EYA4: variants seen among roughly 807,000 people sequenced by gnomAD.
The protein encoded by EYA4 is EYA transcriptional coactivator and phosphatase 4.
Under a neutral mutation model 87.9 loss-of-function variants are expected in EYA4, and 31 were observed. The observed-to-expected ratio is 0.35, with a 90% confidence interval of 0.27 to 0.48. The LOEUF is 0.48. Ranked by LOEUF, EYA4 falls within the 20% of genes least tolerant of loss-of-function variation. The pLI, the probability that EYA4 is intolerant of heterozygous loss-of-function variation, is 0.99. For missense variants in EYA4, 678 were observed against 761.4 expected (o/e 0.89, Z 1.29); for synonymous variants, 263 against 270.6 (o/e 0.97, Z 0.28).
intron 14 of EYA4, among the ~76,000 whole-genome samples, chr6:133,507,923 G>A (rs976148173): frequency 4.6e-5 from 7 of 152,220 alleles, no homozygotes; most frequent in Admixed American, 4.6e-4. Context: ...GGTATTTCTA[G>A]TTCTAGATGC....
intron 2 of EYA4, among the ~76,000 whole-genome samples, chr6:133,300,935 C>T (rs1005128216): frequency 6.6e-6 from 1 of 152,088 alleles, no homozygotes; most frequent in Non-Finnish European, 1.5e-5. Flanking sequence ...TTCTATGTGT[C>T]CAGTTATTTT....
intron 2 of EYA4, among the ~76,000 whole-genome samples, chr6:133,304,665 T>C (rs1214915887): frequency 2.6e-5 from 4 of 152,204 alleles, no homozygotes; most frequent in African/African-American, 9.6e-5. Context: ...AAGTGGCCAT[T>C]GTAGAGTTTT....
At chr6:133,286,004 C>T (rs1562248329) in intron 2 of EYA4, among the ~76,000 whole-genome samples, 1 of 152,140 alleles carries the variant, frequency 6.6e-6, no homozygotes, top group African/African-American at 2.4e-5. Context: ...TGGTGCATCT[C>T]AGTTTCCTTA....
intron 1 of EYA4, among the ~76,000 whole-genome samples, chr6:133,267,428 G>T (rs9493574): frequency 0.022 from 3,273 of 151,766 alleles, 96 homozygotes; most frequent in African/African-American, 0.065. Context: ...TCACACCCAG[G>T]CTGGAGTGCA....
intron 3 of EYA4, 144 bp from the exon 4 acceptor site, chr6:133,446,486 G>A: frequency 1.2e-6 from 1 of 849,602 alleles, no homozygotes; most frequent in South Asian, 1.4e-5. Context: ...TCATGAACTG[G>A]CATGTTCATC....
rs142263016 is a variant in EYA4 at position 133,512,974 on chromosome 6, G to A, written c.1437G>A (p.Arg479=). ...TGVRGGVDWM[R]KLAFRYRRVK... is the part of the protein sequence containing the mutation. ...TAAGAGGAGGGGTTGACTGGATGAGGAAGTTGGCTTTTCGTTACAGAAGAG... is the reference window on the plus strand; with the variant it reads ...TAAGAGGAGGGGTTGACTGGATGAGAAAGTTGGCTTTTCGTTACAGAAGAG... The change falls in exon 16 of 20, where the codon AGG becomes AGA. Residue 479 remains arginine (R), a synonymous_variant. Coordinates refer to ENST00000355286, the MANE Select transcript of EYA4 (RefSeq NM_004100.5). 6.2e-6 allele frequency: 10 copies of A among 1,614,016 alleles called. No homozygotes were observed. In the African/African-American group the frequency reaches 9.3e-5, roughly 15 times the overall value.
intron 2 of EYA4, among the ~76,000 whole-genome samples, chr6:133,282,609 T>TAC (rs1197316182): frequency 2.6e-5 from 4 of 152,194 alleles, no homozygotes; most frequent in African/African-American, 9.7e-5. Context: ...TATGTATATA[T>TAC]GGAGAGCCTC....
chr6:133,507,926 C>T (rs1798790665), intron 14 of EYA4, among the ~76,000 whole-genome samples: 1 of 152,058 alleles, frequency 6.6e-6, no homozygotes, highest in Non-Finnish European at 1.5e-5. Context: ...ATTTCTAGTT[C>T]TAGATGCTTG....
At chr6:133,310,574 A>G (rs1385659963) in intron 2 of EYA4, among the ~76,000 whole-genome samples, 3 of 152,224 alleles carry the variant, frequency 2.0e-5, no homozygotes, top group Admixed American at 6.5e-5. Flanking sequence ...ATATTTGGTA[A>G]TAGTTTTTTG....
At chr6:133,481,046 G>GGTGGAA (rs1348472124) in intron 11 of EYA4, among the ~76,000 whole-genome samples, 3 of 151,986 alleles carry the variant, frequency 2.0e-5, no homozygotes, top group South Asian at 2.1e-4. Context: ...AGATGAGAGA[G>GGTGGAA]GGTTTGACTA....
chr6:133,263,057 G>A lies in EYA4; in HGVS notation c.-65-11659G>A, dbSNP rs570937803. ...TCCTCTCTGGCATGCTTCCCGGGTG[G>A]TTGGAGCCAGCCAGTGCCTGATCCA... is the stretch of plus-strand genomic sequence containing the variant. On this transcript the variant is annotated intron_variant, in intron 1 of 19. Transcript: ENST00000355286. 2.6e-5 allele frequency among the ~76,000 whole-genome samples: 4 copies of A among 152,288 alleles called. No individual in the cohort carries two copies. In the East Asian group the frequency reaches 7.7e-4, roughly 29 times the overall value.
chr6:133,378,532 A>C (rs557719824), intron 2 of EYA4, among the ~76,000 whole-genome samples: 1 of 152,018 alleles, frequency 6.6e-6, no homozygotes, highest in South Asian at 2.1e-4. Flanking sequence ...TAGGTTCTTC[A>C]TAGGTTCTGG....
chr6:133,497,335 A>G (rs1172606998), intron 13 of EYA4, among the ~76,000 whole-genome samples: 1 of 152,222 alleles, frequency 6.6e-6, no homozygotes, highest in Non-Finnish European at 1.5e-5. Context: ...TTTAATTTAA[A>G]AAAACTTTTG....
At chr6:133,313,586 TG>T (rs1320062917) in intron 2 of EYA4, among the ~76,000 whole-genome samples, 1 of 152,248 alleles carries the variant, frequency 6.6e-6, no homozygotes. Flanking sequence ...GGTTAGTTGT[TG>T]CTATTCCAAT....
chr6:133,328,692 CAAAT>C (rs1467095989), intron 2 of EYA4, among the ~76,000 whole-genome samples: 1 of 141,616 alleles, frequency 7.1e-6, no homozygotes, highest in East Asian at 2.0e-4. Flanking sequence ...TATGGATAGA[CAAAT>C]AGATACAAAC....
chr6:133,427,518 A>C (rs1790775696), intron 3 of EYA4, among the ~76,000 whole-genome samples: 1 of 152,224 alleles, frequency 6.6e-6, no homozygotes, highest in African/African-American at 2.4e-5. Context: ...CTGTATTTTG[A>C]CAGGGGTAAG....
intron 2 of EYA4, among the ~76,000 whole-genome samples, chr6:133,308,022 C>T (rs954736556): frequency 2.6e-5 from 4 of 152,100 alleles, no homozygotes; most frequent in African/African-American, 9.7e-5. Flanking sequence ...GGGCAGTTCC[C>T]CTGCACACGT....
At position 133,345,334 on chromosome 6, in the gene EYA4, A is replaced by G. The variant is rs371700827; in HGVS notation, c.34-37058A>G. 6.6e-5 allele frequency among the ~76,000 whole-genome samples: 10 copies of G among 152,274 alleles called. 1 individual carries two copies. The highest frequency in any genetic ancestry group is 3.9e-4 in the East Asian group (2 of 5,192). ...CATTTCTGAAGAGTTACATTTGGCT[A>G]ATCTGTCTTAACAAACTAGAATTTT... On this transcript the variant is annotated intron_variant, in intron 2 of 19. Coordinates refer to ENST00000355286, the MANE Select transcript of EYA4 (RefSeq NM_004100.5).
Position 133,513,001 on chromosome 6 carries a change from A to C in EYA4, c.1464A>C (p.Val488=). 6.2e-7 allele frequency: 1 copy of C among 1,614,120 alleles called. No individual in the cohort carries two copies. The highest frequency in any genetic ancestry group is 8.5e-7 in the Non-Finnish European group (1 of 1,180,002). ...AGTTGGCTTTTCGTTACAGAAGAGTAAAAGAATTATATAACACCTACAAGA... is the reference window on the plus strand; with the variant it reads ...AGTTGGCTTTTCGTTACAGAAGAGTCAAAGAATTATATAACACCTACAAGA... ...MRKLAFRYRR[V]KELYNTYKNN... Residue 488 remains valine, a synonymous_variant, in exon 16 of 20, where the codon GTA becomes GTC. Transcript: ENST00000355286.
Sources: gnomAD v4.1 joint callset for allele counts (sites outside exome capture counted in the v4.1 genomes callset) on GRCh38, gnomAD v4.1.1 for gene constraint, MANE v1.5 for transcripts, NCBI Gene and HGNC (gene_info 2026-07-23, HGNC 2026-07-21) for gene names.